DENND1A: variants seen among roughly 807,000 people sequenced by gnomAD.
DENND1A encodes the protein DENN domain-containing protein 1A.
Under a neutral mutation model 113.7 loss-of-function variants are expected in DENND1A, and 51 were observed. That is an observed-to-expected ratio of 0.45 (90% CI 0.36 to 0.57). DENND1A has a LOEUF of 0.57. DENND1A is among the 20% of genes least tolerant of loss of function. The pLI, the probability that DENND1A is intolerant of heterozygous loss-of-function variation, is 0.00. For synonymous variants in DENND1A, 565 were observed against 570.8 expected, an observed-to-expected ratio of 0.99 and a Z score of 0.14; for missense variants, 1,258 against 1,395.9, an observed-to-expected ratio of 0.90 and a Z score of 1.57.
At chr9:123,666,966 A>C (rs935739053) in intron 8 of DENND1A, 60 bp downstream of exon 8, 38 of 1,439,434 alleles carry the variant, frequency 2.6e-5, no homozygotes, top group Non-Finnish European at 3.4e-5. Flanking sequence ...TTATTCAAAC[A>C]AATAGGCAGA....
chr9:123,904,192 G>A (rs1852310036), intron 1 of DENND1A, among the ~76,000 whole-genome samples: 1 of 151,794 alleles, frequency 6.6e-6, no homozygotes, highest in Non-Finnish European at 1.5e-5. Context: ...TAACAAACAG[G>A]ACATCCACAC....
chr9:123,447,607 T>G (rs1449329502), intron 18 of DENND1A, among the ~76,000 whole-genome samples: 1 of 152,162 alleles, frequency 6.6e-6, no homozygotes, highest in Non-Finnish European at 1.5e-5. Flanking sequence ...AAGGTCACCA[T>G]TGCTATGCAG....
intron 8 of DENND1A, among the ~76,000 whole-genome samples, chr9:123,663,610 T>C (rs1170425665): frequency 2.0e-5 from 3 of 148,288 alleles, no homozygotes; most frequent in South Asian, 2.1e-4. Flanking sequence ...CATCAAACAC[T>C]GGAGGGAGAG....
At chr9:123,416,603 C>G (rs2044745621) in intron 19 of DENND1A, among the ~76,000 whole-genome samples, 1 of 152,236 alleles carries the variant, frequency 6.6e-6, no homozygotes, top group Non-Finnish European at 1.5e-5. Context: ...AAAGACTGGG[C>G]CTTTGGCGAT....
In DENND1A at chr9:123,387,800, C is replaced by T; in HGVS notation, c.1690G>A (p.Glu564Lys). The T allele has an allele frequency of 7.8e-7, 1 of 1,290,012 alleles. No homozygotes were observed. The highest frequency in any genetic ancestry group is 1.0e-6 in the Non-Finnish European group (1 of 988,938). 79.9% of individuals were successfully genotyped at this position (1,290,012 alleles called of 1,614,324 possible). A position where few individuals can be genotyped will look rare whatever the true frequency, so the allele number is the denominator to read the frequency against. Residue 564 changes from glutamate (E) to lysine (K), a missense_variant, in exon 22 of 24, where the codon GAA (glutamate) becomes AAA (lysine). Transcript: ENST00000394215. ...VFLSEDSSDD[E>K]CQREEGPSSG... ...CTCGGGCCCTCTTCCCGCTGGCATT[C>T]ATCATCAGAGGAGTCTTCGGAGAGG...
chr9:123,553,853 G>A (rs945091203), intron 13 of DENND1A, among the ~76,000 whole-genome samples: 5 of 152,134 alleles, frequency 3.3e-5, no homozygotes, highest in African/African-American at 1.2e-4. Context: ...TGCCTCCTGG[G>A]TTCAAGTGAT....
chr9:123,850,879 A>T (rs947181321), intron 2 of DENND1A, among the ~76,000 whole-genome samples: 6 of 152,232 alleles, frequency 3.9e-5, no homozygotes, highest in African/African-American at 1.4e-4. Flanking sequence ...AAATGATAAA[A>T]GGGAAAAAAT....
At chr9:123,601,831 T>C (rs2137411109) in intron 11 of DENND1A, among the ~76,000 whole-genome samples, 1 of 152,330 alleles carries the variant, frequency 6.6e-6, no homozygotes, top group South Asian at 2.1e-4. Context: ...CCAGATAAGT[T>C]AACCAGGTCC....
intron 10 of DENND1A, among the ~76,000 whole-genome samples, chr9:123,623,950 C>T (rs781522144): frequency 6.6e-6 from 1 of 152,210 alleles, no homozygotes; most frequent in Non-Finnish European, 1.5e-5. Flanking sequence ...ATGGCCTACA[C>T]TGTTGTCCTG....
chr9:123,522,321 C>A (rs2054465056), intron 13 of DENND1A, among the ~76,000 whole-genome samples: 1 of 152,128 alleles, frequency 6.6e-6, no homozygotes, highest in African/African-American at 2.4e-5. Context: ...AAGGGAGCTG[C>A]ACAATGCCCA....
chr9:123,738,239 CA>C (rs765314967), intron 5 of DENND1A, among the ~76,000 whole-genome samples: 1 of 152,102 alleles, frequency 6.6e-6, no homozygotes, highest in Non-Finnish European at 1.5e-5. Flanking sequence ...TGACTCTAAA[CA>C]ATTGTTTGTG....
chr9:123,781,507 C>T (rs1262262357), intron 3 of DENND1A, among the ~76,000 whole-genome samples: 1 of 152,150 alleles, frequency 6.6e-6, no homozygotes, highest in East Asian at 1.9e-4. Flanking sequence ...TATCAGACAT[C>T]ATCAATTACA....
At chr9:123,761,482 G>C (rs1411125417) in intron 4 of DENND1A, among the ~76,000 whole-genome samples, 1 of 152,186 alleles carries the variant, frequency 6.6e-6, no homozygotes, top group African/African-American at 2.4e-5. Flanking sequence ...TGTGAGTAGA[G>C]GAAGAAGTCT....
chr9:123,799,543 A>T (rs555756425), intron 2 of DENND1A, among the ~76,000 whole-genome samples: 3 of 152,280 alleles, frequency 2.0e-5, no homozygotes, highest in Admixed American at 6.5e-5. Flanking sequence ...GGGCAGAAAA[A>T]GGTTCCACGA....
intron 5 of DENND1A, among the ~76,000 whole-genome samples, chr9:123,739,014 G>C (rs1338926854): frequency 6.6e-6 from 1 of 152,160 alleles, no homozygotes; most frequent in Non-Finnish European, 1.5e-5. Flanking sequence ...AACCTTTCGT[G>C]TGGCTTTTAG....
intron 2 of DENND1A, among the ~76,000 whole-genome samples, chr9:123,859,254 A>G (rs1422239860): frequency 6.6e-6 from 1 of 152,196 alleles, no homozygotes; most frequent in African/African-American, 2.4e-5. Context: ...ATGTCCTTTT[A>G]GTCATTAAAA....
chr9:123,640,536 A>G (rs1485425392), intron 9 of DENND1A, among the ~76,000 whole-genome samples: 2 of 152,176 alleles, frequency 1.3e-5, no homozygotes, highest in African/African-American at 4.8e-5. Flanking sequence ...TTTTGCTTGG[A>G]TTCACTCCCT....
intron 2 of DENND1A, among the ~76,000 whole-genome samples, chr9:123,840,808 G>A (rs1841721760): frequency 1.3e-5 from 2 of 152,164 alleles, no homozygotes; most frequent in Admixed American, 1.3e-4. Flanking sequence ...CAAATAACCA[G>A]CATGGAGTAA....
At chr9:123,846,141 T>A (rs1289564783) in intron 2 of DENND1A, among the ~76,000 whole-genome samples, 1 of 152,174 alleles carries the variant, frequency 6.6e-6, no homozygotes, top group African/African-American at 2.4e-5. Context: ...ATAACAATGA[T>A]ATGTCACTTC....
Sources: allele counts gnomAD v4.1 joint callset (sites outside exome capture counted in the v4.1 genomes callset), GRCh38; gene constraint gnomAD v4.1.1; transcripts MANE v1.5; gene names NCBI Gene and HGNC (gene_info 2026-07-23, HGNC 2026-07-21).